Variants in GFRA1 observed in about 807,000 individuals in gnomAD.
GFRA1 encodes the protein GDNF family receptor alpha 1, also known as GDNF family receptor alpha-1.
In GFRA1, 16 loss-of-function variants were observed where a neutral mutation model predicts 51.6. The ratio of observed to expected loss-of-function variants is 0.31; its 90% CI spans 0.21 to 0.47. The LOEUF (loss-of-function observed/expected upper bound fraction) is 0.47. Among genes scored for constraint, GFRA1 ranks in the 20% least tolerant of loss-of-function variants. GFRA1 has a pLI of 1.00. For missense variants in GFRA1, 530 were observed against 594.3 expected, an observed-to-expected ratio of 0.89 and a Z score of 1.13; for synonymous variants, 270 against 241.3, an observed-to-expected ratio of 1.12 and a Z score of -1.10.
At chr10:116,100,769 G>A (rs1360192484) in intron 6 of GFRA1, among the ~76,000 whole-genome samples, 1 of 152,184 alleles carries the variant, frequency 6.6e-6, no homozygotes, top group East Asian at 1.9e-4. Context: ...GCCAGGAGGG[G>A]AAGGGGTGGT....
chr10:116,127,950 G>A (rs1271850285), intron 5 of GFRA1, among the ~76,000 whole-genome samples: 2 of 152,216 alleles, frequency 1.3e-5, no homozygotes, highest in African/African-American at 4.8e-5. Context: ...TTGTATTGAT[G>A]TTGAATGGCA....
At chr10:116,166,469 T>C (rs2134202449) in intron 5 of GFRA1, among the ~76,000 whole-genome samples, 2 of 152,294 alleles carry the variant, frequency 1.3e-5, no homozygotes, top group East Asian at 3.9e-4. Flanking sequence ...TGGGACCACT[T>C]CACTTCTCTC....
At chr10:116,160,954 C>G (rs1281692755) in intron 5 of GFRA1, among the ~76,000 whole-genome samples, 1 of 152,216 alleles carries the variant, frequency 6.6e-6, no homozygotes, top group Non-Finnish European at 1.5e-5. Context: ...GAAATCCATG[C>G]AAAAGCAGAA....
chr10:116,210,396 C>T (rs879930404), intron 5 of GFRA1, among the ~76,000 whole-genome samples: 16 of 152,122 alleles, frequency 1.1e-4, no homozygotes, highest in Non-Finnish European at 1.9e-4. Context: ...CTAGAGTGCC[C>T]CACTGACCCC....
chr10:116,068,841 C>A (rs537000785), intron 9 of GFRA1, among the ~76,000 whole-genome samples: 3 of 139,172 alleles, frequency 2.2e-5, no homozygotes, highest in African/African-American at 9.1e-5. Flanking sequence ...CCGCTTTCAG[C>A]TATCACAAAA....
chr10:116,118,028 AC>A (rs899810792), intron 6 of GFRA1, among the ~76,000 whole-genome samples: 28 of 67,812 alleles, frequency 4.1e-4, no homozygotes, highest in African/African-American at 1.1e-3. Flanking sequence ...TTCTCTTCTC[AC>A]CCACTTTCTC....
intron 5 of GFRA1, among the ~76,000 whole-genome samples, chr10:116,176,490 C>T (rs1961611455): frequency 6.6e-6 from 1 of 151,878 alleles, no homozygotes; most frequent in East Asian, 1.9e-4. Context: ...GTGGCACCTC[C>T]CCCCACCACT....
chr10:116,071,900 T>C (rs1212095447), intron 9 of GFRA1, among the ~76,000 whole-genome samples: 1 of 152,144 alleles, frequency 6.6e-6, no homozygotes, highest in South Asian at 2.1e-4. Flanking sequence ...CCCTGGCTTA[T>C]GTTTTGCATA....
At chr10:116,116,181 A>C (rs888399458) in intron 6 of GFRA1, among the ~76,000 whole-genome samples, 3 of 151,890 alleles carry the variant, frequency 2.0e-5, no homozygotes, top group Non-Finnish European at 4.4e-5. Context: ...TGCAGCCTCC[A>C]CCTCCCAGGT....
At chr10:116,259,215 G>A (rs187797117) in intron 4 of GFRA1, among the ~76,000 whole-genome samples, 1 of 152,254 alleles carries the variant, frequency 6.6e-6, no homozygotes, top group African/African-American at 2.4e-5. Context: ...AGTTGGCATG[G>A]TGCTTCCTAC....
intron 6 of GFRA1, among the ~76,000 whole-genome samples, chr10:116,109,739 T>C (rs1589796235): frequency 6.6e-6 from 1 of 152,160 alleles, no homozygotes; most frequent in South Asian, 2.1e-4. Flanking sequence ...AGTGACCCAG[T>C]AGGGGCTGGC....
intron 6 of GFRA1, among the ~76,000 whole-genome samples, chr10:116,119,012 G>A (rs533382354): frequency 2.0e-5 from 3 of 152,284 alleles, no homozygotes; most frequent in South Asian, 2.1e-4. Context: ...GCAGGTCATA[G>A]CTGGGCAGGT....
chr10:116,076,409 A>C (rs1449798153), intron 9 of GFRA1, among the ~76,000 whole-genome samples: 1 of 152,178 alleles, frequency 6.6e-6, no homozygotes, highest in Non-Finnish European at 1.5e-5. Context: ...AAGATGGGTC[A>C]GACAACTAGA....
intron 5 of GFRA1, among the ~76,000 whole-genome samples, chr10:116,148,575 T>C (rs982086267): frequency 7.9e-5 from 12 of 152,168 alleles, no homozygotes; most frequent in Non-Finnish European, 1.5e-4. Flanking sequence ...GCCAATAGTC[T>C]TGGCTGTTGT....
At chr10:116,191,614 A>C (rs1963272629) in intron 5 of GFRA1, among the ~76,000 whole-genome samples, 1 of 152,242 alleles carries the variant, frequency 6.6e-6, no homozygotes, top group South Asian at 2.1e-4. Flanking sequence ...TGTCTCCTCA[A>C]GTCTCCAAAT....
intron 4 of GFRA1, among the ~76,000 whole-genome samples, chr10:116,247,299 T>C (rs1470075420): frequency 2.6e-5 from 4 of 152,220 alleles, no homozygotes; most frequent in Non-Finnish European, 4.4e-5. Flanking sequence ...CTAACCCAAG[T>C]GTAAGCCCCT....
At chr10:116,096,516 C>T (rs1299811804) in intron 7 of GFRA1, 139 bp downstream of exon 7, 7 of 672,394 alleles carry the variant, frequency 1.0e-5, no homozygotes, top group Non-Finnish European at 1.9e-5. Context: ...GGCATGTCCT[C>T]AAGGATTTAA....
chr10:116,213,572 A>G (rs1463718373), intron 4 of GFRA1, among the ~76,000 whole-genome samples: 5 of 152,334 alleles, frequency 3.3e-5, no homozygotes, highest in Middle Eastern at 3.4e-3. Flanking sequence ...TTTTAAAACT[A>G]AAGTTATTTT....
At chr10:116,149,503 G>A (rs902678181) in intron 5 of GFRA1, among the ~76,000 whole-genome samples, 1 of 152,178 alleles carries the variant, frequency 6.6e-6, no homozygotes, top group Non-Finnish European at 1.5e-5. Flanking sequence ...CACACTGGAG[G>A]AAGAAGATAC....
Sources: allele counts gnomAD v4.1 joint callset (sites outside exome capture counted in the v4.1 genomes callset), GRCh38; gene constraint gnomAD v4.1.1; transcripts MANE v1.5; gene names NCBI Gene and HGNC (gene_info 2026-07-23, HGNC 2026-07-21).